COL19A1: variants seen among roughly 807,000 people sequenced by gnomAD.
The protein encoded by COL19A1 is collagen alpha-1(XIX) chain.
COL19A1 carries 159 observed loss-of-function variants against 190.2 expected under a neutral mutation model. The ratio of observed to expected loss-of-function variants is 0.84; its 90% CI spans 0.73 to 0.95. The LOEUF is 0.95. COL19A1 is among the 40% of genes least tolerant of loss of function. The probability of loss-of-function intolerance (pLI) is 0.00; values close to 1 mark genes in which losing one functional copy is unlikely to be tolerated. For synonymous variants in COL19A1, 509 were observed against 458.9 expected (o/e 1.11, Z -1.39); for missense variants, 1,418 against 1,431.9 (o/e 0.99, Z 0.16).
At chr6:70,026,429 G>A (rs1394667393) in intron 12 of COL19A1, among the ~76,000 whole-genome samples, 2 of 152,144 alleles carry the variant, frequency 1.3e-5, no homozygotes, top group African/African-American at 4.8e-5. Flanking sequence ...AATAACAGGA[G>A]GTCATTCCTT....
At chr6:69,918,827 G>A (rs1172165818) in intron 4 of COL19A1, among the ~76,000 whole-genome samples, 1 of 152,208 alleles carries the variant, frequency 6.6e-6, no homozygotes, top group Non-Finnish European at 1.5e-5. Context: ...TTTGGGTGGG[G>A]CACCTGAGTG....
chr6:70,103,677 A>G (rs1783776266), intron 16 of COL19A1, among the ~76,000 whole-genome samples: 1 of 151,990 alleles, frequency 6.6e-6, no homozygotes, highest in African/African-American at 2.4e-5. Context: ...TATCTTCATG[A>G]CTCAGCTCAA....
chr6:69,941,364 C>G (rs1263699039), intron 9 of COL19A1, among the ~76,000 whole-genome samples: 1 of 152,114 alleles, frequency 6.6e-6, no homozygotes, highest in Non-Finnish European at 1.5e-5. Flanking sequence ...ATATATGTTT[C>G]CCCTGCTTTC....
chr6:69,988,978 C>T (rs1022586795), intron 11 of COL19A1, among the ~76,000 whole-genome samples: 1 of 152,166 alleles, frequency 6.6e-6, no homozygotes, highest in African/African-American at 2.4e-5. Context: ...GGGCTTTGCA[C>T]AGGTCTGAAA....
intron 15 of COL19A1, among the ~76,000 whole-genome samples, chr6:70,074,610 T>C (rs1415803340): frequency 6.6e-6 from 1 of 151,824 alleles, no homozygotes; most frequent in Non-Finnish European, 1.5e-5. Flanking sequence ...TCCAATGAAA[T>C]GATTTCAGGG....
chr6:69,970,938 A>G (rs890443136), intron 11 of COL19A1, among the ~76,000 whole-genome samples: 5 of 152,228 alleles, frequency 3.3e-5, no homozygotes, highest in Admixed American at 6.5e-5. Context: ...TCAATTATCC[A>G]TGGTAGCAGG....
rs535247820 is a variant in COL19A1, at chr6:70,125,896, T to C, written c.1341+3954T>C. The stretch of plus-strand genomic sequence containing the variant: ...CAGCTCTGGGGGTTTTAATAAAAAT[T>C]TGATAGGCTCTGTCAACTACTGAAG... On this transcript the variant is annotated intron_variant, in intron 17 of 50. Coordinates refer to ENST00000620364, the MANE Select transcript of COL19A1 (RefSeq NM_001858.6). Among the ~76,000 whole-genome samples, 222 of 152,300 alleles carry C rather than the reference T, an allele frequency of 1.5e-3. 1 individual carries two copies. The highest frequency in any genetic ancestry group is 5.1e-3 in the African/African-American group (212 of 41,566).
Position 70,212,352 on chromosome 6 carries a change from T to C in COL19A1, c.*5078T>C, listed in dbSNP as rs1768255481. ...ATGTTAAGTGCAATGGCATTAGTTT[T>C]ATTCAAAATCCCACATGGGCATAAT... is the stretch of plus-strand genomic sequence containing the variant. On this transcript the variant is annotated 3_prime_UTR_variant, in exon 51 of 51. Transcript: ENST00000620364. Among the ~76,000 whole-genome samples the C allele has an allele frequency of 6.6e-6, 1 of 152,244 alleles. No homozygotes were observed. The highest frequency in any genetic ancestry group is 1.5e-5 in the Non-Finnish European group (1 of 68,038).
intron 2 of COL19A1, among the ~76,000 whole-genome samples, chr6:69,889,406 A>G (rs1037693578): frequency 1.3e-5 from 2 of 152,180 alleles, no homozygotes; most frequent in Non-Finnish European, 2.9e-5. Context: ...CTCACTCACT[A>G]TGTGATCTCA....
intron 16 of COL19A1, among the ~76,000 whole-genome samples, chr6:70,117,552 A>G (rs1456411755): frequency 6.6e-6 from 1 of 152,192 alleles, no homozygotes; most frequent in Non-Finnish European, 1.5e-5. Context: ...TATAGCTTTA[A>G]TTCACTTTAT....
intron 12 of COL19A1, 104 bp downstream of exon 12, chr6:70,023,784 A>G (rs1216835618): frequency 1.4e-5 from 13 of 951,948 alleles, no homozygotes; most frequent in Non-Finnish European, 2.0e-5. Context: ...CCAGCCAGCC[A>G]TGATCCAACA....
rs544248545 is a variant in COL19A1, at chr6:69,904,064, T to C, written c.266+3726T>C. ...GGCTGCCATAGCAGTAGTCACTTCA[T>C]GTAGGCAGTGCCCCACATATGGGGT... On this transcript the variant is annotated intron_variant, in intron 4 of 50. Coordinates refer to ENST00000620364, the MANE Select transcript of COL19A1 (RefSeq NM_001858.6). 8.5e-4 allele frequency among the ~76,000 whole-genome samples: 130 copies of C among 152,250 alleles called. 1 individual carries two copies. The highest frequency in any genetic ancestry group is 3.0e-3 in the African/African-American group (126 of 41,530).
At chr6:70,186,372 G>A (rs776013580) in intron 46 of COL19A1, among the ~76,000 whole-genome samples, 1 of 152,162 alleles carries the variant, frequency 6.6e-6, no homozygotes, top group Non-Finnish European at 1.5e-5. Flanking sequence ...TTCTCCAAAT[G>A]TGAGCTGGAG....
chr6:70,035,532 A>G (rs1336947572), intron 13 of COL19A1, among the ~76,000 whole-genome samples: 1 of 152,188 alleles, frequency 6.6e-6, no homozygotes, highest in Non-Finnish European at 1.5e-5. Context: ...TCTTCATACT[A>G]ACTTTGTCAG....
intron 44 of COL19A1, among the ~76,000 whole-genome samples, chr6:70,182,638 T>C (rs1438147864): frequency 2.0e-5 from 3 of 152,192 alleles, no homozygotes; most frequent in Non-Finnish European, 4.4e-5. Flanking sequence ...TGAGGTTTCC[T>C]TGATGTCAAG....
intron 11 of COL19A1, among the ~76,000 whole-genome samples, chr6:69,991,079 A>T (rs1259412773): frequency 1.3e-5 from 2 of 151,870 alleles, no homozygotes; most frequent in African/African-American, 4.8e-5. Context: ...GGTGTCTGTT[A>T]TTCCCTTTTT....
chr6:70,109,711 G>T (rs1044890399), intron 16 of COL19A1, among the ~76,000 whole-genome samples: 4 of 152,038 alleles, frequency 2.6e-5, no homozygotes, highest in Admixed American at 2.6e-4. Context: ...GAATAGGCTT[G>T]TTTGCTGAAA....
At chr6:70,099,771 T>C (rs1425597789) in intron 15 of COL19A1, among the ~76,000 whole-genome samples, 1 of 152,198 alleles carries the variant, frequency 6.6e-6, no homozygotes, top group Non-Finnish European at 1.5e-5. Context: ...GTGCACACAA[T>C]ATGTTCCAAT....
chr6:70,106,418 T>C (rs1219660417), intron 16 of COL19A1, among the ~76,000 whole-genome samples: 1 of 152,052 alleles, frequency 6.6e-6, no homozygotes, highest in Admixed American at 6.6e-5. Flanking sequence ...AAAAGATTTC[T>C]AATAATGGAA....
Sources: allele counts gnomAD v4.1 joint callset (sites outside exome capture counted in the v4.1 genomes callset), GRCh38; gene constraint gnomAD v4.1.1; transcripts MANE v1.5; gene names NCBI Gene and HGNC (gene_info 2026-07-23, HGNC 2026-07-21).